Variants in MYO16 observed in about 807,000 individuals in gnomAD.
MYO16 encodes the protein unconventional myosin-XVI.
Under a neutral mutation model 205.3 loss-of-function variants are expected in MYO16, and 94 were observed. The observed-to-expected ratio is 0.46, with a 90% CI of 0.39 to 0.54. The LOEUF (loss-of-function observed/expected upper bound fraction) is 0.54. Among genes scored for constraint, MYO16 ranks in the 20% least tolerant of loss-of-function variants. MYO16 has a pLI of 0.00. For synonymous variants in MYO16, 988 were observed against 954.0 expected (o/e 1.04, Z -0.66); for missense variants, 2,315 against 2,387.5 (o/e 0.97, Z 0.63).
chr13:108,520,447 G>T, the MYO16 span, among the ~76,000 whole-genome samples: 1 of 152,054 alleles, frequency 6.6e-6, no homozygotes, highest in Non-Finnish European at 1.5e-5. Context: ...AGATATTAGA[G>T]AATATTTTAT....
At chr13:108,968,845 C>T (rs1883900856) in intron 20 of MYO16, among the ~76,000 whole-genome samples, 1 of 152,286 alleles carries the variant, frequency 6.6e-6, no homozygotes, top group East Asian at 1.9e-4. Flanking sequence ...TGACGTGCTC[C>T]CCACGAACGC....
At chr13:109,188,562 T>C (rs1485219627) in intron 34 of MYO16, among the ~76,000 whole-genome samples, 3 of 152,138 alleles carry the variant, frequency 2.0e-5, no homozygotes, top group African/African-American at 7.2e-5. Flanking sequence ...GATAGATGAA[T>C]ATATAAAGGG....
In MYO16 at chr13:109,013,114, A is replaced by ACCCC. The variant is rs1181676669; in HGVS notation, c.2595+4071_2595+4074dup. On this transcript the variant is annotated intron_variant, in intron 22 of 34. Coordinates refer to ENST00000457511, the MANE Select transcript of MYO16 (RefSeq NM_001198950.3). ...TTTCTCCTAATGCTACCCCTCCCCC[A>ACCCC]CCCCCCCCCACCCCACCACAGGCCC... Among the ~76,000 whole-genome samples, 184 of 55,134 alleles carry ACCCC rather than the reference A, an allele frequency of 3.3e-3. 4 individuals carry two copies. Among genetic ancestry groups the ACCCC allele is most frequent in the East Asian group, 0.02 (24 of 1,184 alleles). 36.2% of individuals were successfully genotyped at this position (55,134 alleles called of 152,430 possible). A position where few individuals can be genotyped will look rare whatever the true frequency, so the allele number is the denominator to read the frequency against.
At chr13:108,745,355 G>A (rs1217237627) in intron 4 of MYO16, among the ~76,000 whole-genome samples, 2 of 152,164 alleles carry the variant, frequency 1.3e-5, no homozygotes, top group Non-Finnish European at 2.9e-5. Flanking sequence ...TAGGTAAAAC[G>A]ATAGAGGTTC....
At chr13:108,610,116 C>T (rs1280714971) in intron 1 of MYO16, among the ~76,000 whole-genome samples, 1 of 152,148 alleles carries the variant, frequency 6.6e-6, no homozygotes, top group Non-Finnish European at 1.5e-5. Flanking sequence ...TTTCTTCAAC[C>T]TTGACAATCC....
At chr13:108,843,588 A>G (rs1040819465) in intron 9 of MYO16, among the ~76,000 whole-genome samples, 5 of 152,222 alleles carry the variant, frequency 3.3e-5, no homozygotes, top group African/African-American at 4.8e-5. Context: ...TTATGTTTAC[A>G]TAGATTGCAC....
At chr13:109,076,051 C>A (rs1888090757) in intron 27 of MYO16, among the ~76,000 whole-genome samples, 1 of 152,168 alleles carries the variant, frequency 6.6e-6, no homozygotes, top group Non-Finnish European at 1.5e-5. Context: ...TTGTGAATTT[C>A]TGTGAGTGGG....
the MYO16 span, among the ~76,000 whole-genome samples, chr13:108,582,757 C>G: frequency 6.6e-6 from 1 of 152,098 alleles, no homozygotes; most frequent in Non-Finnish European, 1.5e-5. Context: ...TGAAGACCCT[C>G]TCTCACAAAA....
chr13:109,144,029 T>C (rs937176334), intron 32 of MYO16, among the ~76,000 whole-genome samples: 1 of 92,112 alleles, frequency 1.1e-5, no homozygotes, highest in African/African-American at 3.0e-5. Context: ...AATAATTCTT[T>C]TTTTTTTTTT....
chr13:108,641,149 T>G (rs76332011), intron 1 of MYO16, among the ~76,000 whole-genome samples: 14,258 of 152,196 alleles, frequency 0.094, 1,241 homozygotes, highest in African/African-American at 0.23. Context: ...ATTGGACGCT[T>G]CTCGATACTT....
At chr13:109,202,290 A>C (rs1163039077) in intron 34 of MYO16, among the ~76,000 whole-genome samples, 2 of 152,164 alleles carry the variant, frequency 1.3e-5, no homozygotes. Flanking sequence ...GCTGTTTTCC[A>C]TAGTGGTTTT....
At chr13:109,031,009 G>A (rs559050134) in intron 23 of MYO16, among the ~76,000 whole-genome samples, 44 of 152,084 alleles carry the variant, frequency 2.9e-4, no homozygotes, top group Admixed American at 5.2e-4. Context: ...TTGTTCTCTG[G>A]ACTACTTCAG....
intron 12 of MYO16, among the ~76,000 whole-genome samples, chr13:108,881,908 G>A (rs1455915435): frequency 6.6e-6 from 1 of 152,106 alleles, no homozygotes; most frequent in Non-Finnish European, 1.5e-5. Context: ...CCAACATAGC[G>A]AGTCAGGCCA....
At chr13:108,765,528 C>T (rs1326115913) in intron 4 of MYO16, among the ~76,000 whole-genome samples, 2 of 152,070 alleles carry the variant, frequency 1.3e-5, no homozygotes, top group Non-Finnish European at 2.9e-5. Flanking sequence ...AGATGGTTCT[C>T]CTGGGTTTTT....
intron 2 of MYO16, among the ~76,000 whole-genome samples, chr13:108,712,315 C>T (rs1047266326): frequency 6.6e-6 from 1 of 152,204 alleles, no homozygotes; most frequent in Non-Finnish European, 1.5e-5. Context: ...TGACCTAATG[C>T]CCGTGTGAAC....
At chr13:109,142,904 T>TGTTTA (rs1405858658) in intron 32 of MYO16, among the ~76,000 whole-genome samples, 1 of 152,134 alleles carries the variant, frequency 6.6e-6, no homozygotes, top group Non-Finnish European at 1.5e-5. Context: ...TTTCATTCTT[T>TGTTTA]CGTTGCTTCA....
the MYO16 span, among the ~76,000 whole-genome samples, chr13:108,587,581 A>G: frequency 6.6e-6 from 1 of 152,200 alleles, no homozygotes; most frequent in Non-Finnish European, 1.5e-5. Context: ...ATATGATTTT[A>G]ATTGAGATTG....
intron 16 of MYO16, among the ~76,000 whole-genome samples, chr13:108,924,155 A>G (rs1881873962): frequency 1.3e-5 from 2 of 152,204 alleles, no homozygotes; most frequent in Non-Finnish European, 1.5e-5. Context: ...TTTGAGTAGG[A>G]TACTTGGCCC....
chr13:108,926,011 C>T (rs1397017703), intron 16 of MYO16, among the ~76,000 whole-genome samples: 1 of 152,242 alleles, frequency 6.6e-6, no homozygotes, highest in Non-Finnish European at 1.5e-5. Flanking sequence ...CACCAGGATG[C>T]CACTGCAGCC....
Sources: allele counts gnomAD v4.1 joint callset (sites outside exome capture counted in the v4.1 genomes callset), GRCh38; gene constraint gnomAD v4.1.1; transcripts MANE v1.5; gene names NCBI Gene and HGNC (gene_info 2026-07-23, HGNC 2026-07-21).